The following ELP4 variants were observed in gnomAD, a reference collection of about 807,000 sequenced individuals.
ELP4 encodes elongator complex protein 4.
Under a neutral mutation model 48.9 loss-of-function variants are expected in ELP4, and 51 were observed. That is an observed-to-expected ratio of 1.04 (90% CI 0.83 to 1.32). The LOEUF (loss-of-function observed/expected upper bound fraction) is 1.32, where lower values mean the gene tolerates loss of function less well. Among genes scored for constraint, ELP4 ranks in the 40% most tolerant of loss-of-function variants. The pLI is 0.00. For synonymous variants in ELP4, 210 were observed against 189.2 expected, an observed-to-expected ratio of 1.11 and a Z score of -0.90; for missense variants, 519 against 514.6, an observed-to-expected ratio of 1.01 and a Z score of -0.08.
chr11:31,635,925 A>G (rs1944965303), intron 7 of ELP4, among the ~76,000 whole-genome samples: 1 of 151,984 alleles, frequency 6.6e-6, no homozygotes, highest in Non-Finnish European at 1.5e-5. Flanking sequence ...GGAGGCATAG[A>G]TAAAGTCAGT....
intron 2 of ELP4, among the ~76,000 whole-genome samples, chr11:31,534,682 A>G (rs149064419): frequency 0.011 from 1,631 of 152,336 alleles, 28 homozygotes; most frequent in Non-Finnish European, 0.014. Flanking sequence ...GGATTATTTG[A>G]GGACTGTGGG....
At chr11:31,533,318 A>G (rs1956431321) in intron 2 of ELP4, among the ~76,000 whole-genome samples, 1 of 142,650 alleles carries the variant, frequency 7.0e-6, no homozygotes, top group South Asian at 2.3e-4. Context: ...TATTTCATTT[A>G]GGATAATGGC....
At chr11:31,682,021 A>T in intron 9 of ELP4, 1 of 1,285,970 alleles carries the variant, frequency 7.8e-7, no homozygotes, top group South Asian at 1.2e-5. Context: ...AATTACAGGC[A>T]TGAGCTACCG....
chr11:31,717,230 A>G (rs574301556), intron 9 of ELP4, among the ~76,000 whole-genome samples: 1 of 152,302 alleles, frequency 6.6e-6, no homozygotes, highest in East Asian at 1.9e-4. Flanking sequence ...GTACATGTTT[A>G]TTTTTACTAG....
intron 9 of ELP4, among the ~76,000 whole-genome samples, chr11:31,756,488 C>G (rs1947834346): frequency 1.3e-5 from 2 of 152,200 alleles, no homozygotes; most frequent in South Asian, 4.1e-4. Flanking sequence ...CCATCTAACT[C>G]TAACTTGCCT....
chr11:31,632,242 T>C lies in ELP4; in HGVS notation c.764T>C (p.Ile255Thr), dbSNP rs1328866489. 6.2e-7 allele frequency: 1 copy of C among 1,601,568 alleles called. No individual in the cohort carries two copies. The highest frequency in any genetic ancestry group is 2.2e-5 in the East Asian group (1 of 44,726). Residue 255 changes from isoleucine (I) to threonine (T), a missense_variant, in exon 7 of 10, where the codon ATA becomes ACA. By Grantham distance (89) the Ile-to-Thr change is moderately conservative. Coordinates refer to ENST00000640961, the MANE Select transcript of ELP4 (RefSeq NM_019040.5). ...AAAAAACAGAGAAACATTTTAAGAA[T>C]AGGAATTCAGAATCTTGGCTCACCT... ...PQKKQRNILR[I>T]GIQNLGSPLW...
chr11:31,571,642 A>G (rs1565059542), intron 3 of ELP4, among the ~76,000 whole-genome samples: 1 of 152,174 alleles, frequency 6.6e-6, no homozygotes, highest in Non-Finnish European at 1.5e-5. Flanking sequence ...TAAGACATGT[A>G]TTCTTAAATA....
chr11:31,742,964 TAAAG>T (rs1374111805), intron 9 of ELP4, among the ~76,000 whole-genome samples: 2 of 152,068 alleles, frequency 1.3e-5, no homozygotes, highest in East Asian at 3.9e-4. Flanking sequence ...GCAAAATGGA[TAAAG>T]AGTCAAGACC....
chr11:31,573,981 A>G (rs906852496), intron 3 of ELP4, among the ~76,000 whole-genome samples: 1 of 152,234 alleles, frequency 6.6e-6, no homozygotes, highest in Non-Finnish European at 1.5e-5. Context: ...CATTGAGTAT[A>G]TAACAGTTGT....
chr11:31,769,811 G>A (rs1948101918), intron 9 of ELP4, among the ~76,000 whole-genome samples: 2 of 152,034 alleles, frequency 1.3e-5, no homozygotes, highest in South Asian at 4.1e-4. Context: ...AGGATAAAAA[G>A]GAATTCTCAT....
At chr11:31,732,519 TA>T (rs1157490636) in intron 9 of ELP4, among the ~76,000 whole-genome samples, 1 of 149,524 alleles carries the variant, frequency 6.7e-6, no homozygotes, top group Non-Finnish European at 1.5e-5. Flanking sequence ...CAAGAGAGGA[TA>T]AGACAGAAAA....
chr11:31,610,483 C>T (rs1957958254), intron 5 of ELP4, among the ~76,000 whole-genome samples: 1 of 152,028 alleles, frequency 6.6e-6, no homozygotes, highest in South Asian at 2.1e-4. Flanking sequence ...AGCATAGTAC[C>T]CAATAGGTGT....
chr11:31,782,319 TC>T (rs547063215), intron 9 of ELP4, among the ~76,000 whole-genome samples: 4 of 152,144 alleles, frequency 2.6e-5, no homozygotes, highest in Admixed American at 1.3e-4. Flanking sequence ...CATCTGTTTT[TC>T]CCCCCCATAT....
At chr11:31,516,335 G>A (rs949761182) in intron 1 of ELP4, among the ~76,000 whole-genome samples, 1 of 152,148 alleles carries the variant, frequency 6.6e-6, no homozygotes, top group African/African-American at 2.4e-5. Context: ...TATATGTACA[G>A]AAAAAGGCTA....
At chr11:31,756,347 A>G (rs1375439561) in intron 9 of ELP4, among the ~76,000 whole-genome samples, 4 of 152,248 alleles carry the variant, frequency 2.6e-5, no homozygotes, top group South Asian at 2.1e-4. Context: ...GCCTCTGCCT[A>G]CTTCTCCATC....
intron 9 of ELP4, among the ~76,000 whole-genome samples, chr11:31,741,609 C>T (rs1405906978): frequency 1.3e-5 from 2 of 152,160 alleles, no homozygotes; most frequent in South Asian, 2.1e-4. Flanking sequence ...GTTCTGCAGC[C>T]ACCGCTGCTG....
intron 4 of ELP4, among the ~76,000 whole-genome samples, chr11:31,595,553 C>T (rs1957656005): frequency 6.6e-6 from 1 of 152,164 alleles, no homozygotes; most frequent in Non-Finnish European, 1.5e-5. Context: ...TTCCTTTGTC[C>T]ATCCTTCTCT....
chr11:31,758,670 CTTT>C (rs35783140), intron 9 of ELP4, among the ~76,000 whole-genome samples: 1 of 140,678 alleles, frequency 7.1e-6, no homozygotes. Context: ...GAGGGTGGAA[CTTT>C]TTTTTTTTTT....
At chr11:31,718,490 C>G (rs1459245321) in intron 9 of ELP4, among the ~76,000 whole-genome samples, 2 of 152,180 alleles carry the variant, frequency 1.3e-5, no homozygotes, top group African/African-American at 4.8e-5. Context: ...GTATAGGGAA[C>G]AGCAGGCATG....
Sources: allele counts gnomAD v4.1 joint callset (sites outside exome capture counted in the v4.1 genomes callset), GRCh38; gene constraint gnomAD v4.1.1; transcripts MANE v1.5; gene names NCBI Gene and HGNC (gene_info 2026-07-23, HGNC 2026-07-21).